The following ZNF765 variants were observed in gnomAD, a reference collection of about 807,000 sequenced individuals.
ZNF765 encodes zinc finger protein 765.
ZNF765 carries 37 observed loss-of-function variants against 44.7 expected under a neutral mutation model. The observed-to-expected ratio is 0.83, with a 90% confidence interval of 0.64 to 1.09. The LOEUF is 1.09. Ranked by LOEUF, ZNF765 falls within the 50% of genes least tolerant of loss-of-function variation. The pLI, the probability that ZNF765 is intolerant of heterozygous loss-of-function variation, is 0.00. For missense variants in ZNF765, 594 were observed against 626.1 expected (o/e 0.95, Z 0.55); for synonymous variants, 201 against 213.7 (o/e 0.94, Z 0.52).
At chr19:53,421,050 G>A (rs1331934105) in intron 3 of ZNF765, among the ~76,000 whole-genome samples, 2 of 152,168 alleles carry the variant, frequency 1.3e-5, no homozygotes, top group African/African-American at 4.8e-5. Context: ...ATGTCTCAGT[G>A]TAAAACCTGG....
chr19:53,417,144 T>C (rs548601204), intron 3 of ZNF765, among the ~76,000 whole-genome samples: 1 of 152,270 alleles, frequency 6.6e-6, no homozygotes, highest in South Asian at 2.1e-4. Context: ...TAAAAGACTT[T>C]TAAGTTCAGG....
chr19:53,413,476 C>T (rs1246624170), downstream of ZNF765: 5 of 397,630 alleles, frequency 1.3e-5, no homozygotes, highest in African/African-American at 2.1e-5. Context: ...TTTTTTCTCT[C>T]TGAATCTGTT....
downstream of ZNF765, among the ~76,000 whole-genome samples, chr19:53,414,721 G>A (rs1274622474): frequency 1.3e-5 from 2 of 148,962 alleles, no homozygotes; most frequent in Non-Finnish European, 3.0e-5. Flanking sequence ...TCTGTTATCA[G>A]TTGTCTGTCT....
intron 2 of ZNF765, among the ~76,000 whole-genome samples, chr19:53,398,480 ATT>A (rs1220492551): frequency 2.0e-5 from 3 of 152,188 alleles, no homozygotes; most frequent in Non-Finnish European, 4.4e-5. Flanking sequence ...TTTATACTAC[ATT>A]TTTAGGTAAT....
downstream of ZNF765, among the ~76,000 whole-genome samples, chr19:53,413,704 C>T (rs2085850728): frequency 6.7e-6 from 1 of 149,318 alleles, no homozygotes; most frequent in Non-Finnish European, 1.5e-5. Flanking sequence ...CCAGGAGTCT[C>T]CTGGGAATCT....
chr19:53,401,218 C>T (rs928702842), intron 2 of ZNF765, among the ~76,000 whole-genome samples: 4 of 152,126 alleles, frequency 2.6e-5, no homozygotes, highest in African/African-American at 9.7e-5. Context: ...TCTCTGAAGA[C>T]ATCATTCATA....
intron 3 of ZNF765, among the ~76,000 whole-genome samples, chr19:53,418,163 G>A (rs2085885999): frequency 6.6e-6 from 1 of 152,204 alleles, no homozygotes; most frequent in Admixed American, 6.5e-5. Flanking sequence ...AGCACTTTGG[G>A]AGGCCAAGGC....
At chr19:53,413,356 G>A (rs1041340855), downstream of ZNF765, 34 of 575,462 alleles carry the variant, frequency 5.9e-5, no homozygotes, top group South Asian at 9.7e-5. Context: ...GGAATTGCAC[G>A]TGAGATGGCA....
Position 53,409,629 on chromosome 19 carries a change from T to C in ZNF765, c.*502T>C. 6.9e-7 allele frequency: 1 copy of C among 1,449,820 alleles called. No homozygotes were observed. The highest frequency in any genetic ancestry group is 9.7e-7 in the Non-Finnish European group (1 of 1,034,202). 89.8% of individuals were successfully genotyped at this position (1,449,820 alleles called of 1,614,324 possible). A position where few individuals can be genotyped will look rare whatever the true frequency, so the allele number is the denominator to read the frequency against. On this transcript the variant is annotated 3_prime_UTR_variant, in exon 4 of 4. Coordinates refer to ENST00000396408, the MANE Select transcript of ZNF765 (RefSeq NM_001040185.3). Reference sequence around the variant, plus strand: ...AGAGAAACCATACAAGTGTAATGAGTGTGGCAAGACCTTTAGTCAGAACTC... The same window carrying C: ...AGAGAAACCATACAAGTGTAATGAGCGTGGCAAGACCTTTAGTCAGAACTC...
intron 2 of ZNF765, among the ~76,000 whole-genome samples, chr19:53,399,626 A>G (rs1182890275): frequency 6.6e-6 from 1 of 151,558 alleles, no homozygotes; most frequent in African/African-American, 2.4e-5. Flanking sequence ...CATTGCAGTG[A>G]GCTGAGATTG....
At chr19:53,414,275 T>G (rs2085856598), downstream of ZNF765, among the ~76,000 whole-genome samples, 8 of 134,390 alleles carry the variant, frequency 6.0e-5, 1 homozygote, top group Admixed American at 1.5e-4. Flanking sequence ...GCAAACATGG[T>G]ATGATATAAA....
intron 2 of ZNF765, among the ~76,000 whole-genome samples, chr19:53,399,686 A>G (rs2085704344): frequency 6.6e-6 from 1 of 152,030 alleles, no homozygotes; most frequent in Non-Finnish European, 1.5e-5. Flanking sequence ...TCTCAAAAAA[A>G]AAAAAAAATT....
intron 2 of ZNF765, among the ~76,000 whole-genome samples, chr19:53,400,617 A>G (rs1213102407): frequency 6.6e-6 from 1 of 152,030 alleles, no homozygotes; most frequent in Non-Finnish European, 1.5e-5. Flanking sequence ...ATATACACAT[A>G]CACATATACA....
At position 53,410,018 on chromosome 19, in the gene ZNF765, A is replaced by G; in HGVS notation, c.*891A>G. The G allele has an allele frequency of 2.0e-6, 1 of 505,792 alleles. No individual in the cohort carries two copies. Among genetic ancestry groups the G allele is most frequent in the East Asian group, 5.6e-5 (1 of 17,866 alleles). 31.3% of individuals were successfully genotyped at this position (505,792 alleles called of 1,614,324 possible). On this transcript the variant is annotated 3_prime_UTR_variant, in exon 4 of 4. Coordinates refer to ENST00000396408, the MANE Select transcript of ZNF765 (RefSeq NM_001040185.3). The stretch of plus-strand genomic sequence containing the variant: ...ATCCTACAAGTGTGATAAATGCAGA[A>G]TAAATGCAGAAAATTTTTCAGACAT...
downstream of ZNF765, among the ~76,000 whole-genome samples, chr19:53,412,881 A>G (rs2085844076): frequency 6.6e-6 from 1 of 152,146 alleles, no homozygotes; most frequent in African/African-American, 2.4e-5. Flanking sequence ...ACTGACAGGT[A>G]ACAGCAGAAA....
chr19:53,408,941 A>G lies in ZNF765; in HGVS notation c.1386A>G (p.Glu462=), dbSNP rs779952600. 36 of 1,613,732 alleles carry G rather than the reference A, an allele frequency of 2.2e-5. No individual in the cohort carries two copies. The highest frequency in any genetic ancestry group is 2.8e-5 in the Non-Finnish European group (33 of 1,179,892). The change falls in exon 4 of 4, where the codon GAA becomes GAG. Residue 462 remains glutamate (E), a synonymous_variant. Coordinates refer to ENST00000396408, the MANE Select transcript of ZNF765 (RefSeq NM_001040185.3). Reference sequence around the variant, plus strand: ...AAATACATCAGAAAATTCATACTGAAGAGAATCCTTACAAGTGTAATGAGT... The same window carrying G: ...AAATACATCAGAAAATTCATACTGAGGAGAATCCTTACAAGTGTAATGAGT... ...NLEIHQKIHT[E]ENPYKCNECG...
At chr19:53,421,474 G>A (rs1012289671) in intron 3 of ZNF765, among the ~76,000 whole-genome samples, 1 of 152,048 alleles carries the variant, frequency 6.6e-6, no homozygotes, top group Non-Finnish European at 1.5e-5. Context: ...GTGTAGAGGG[G>A]CTGGCCCCCT....
intron 3 of ZNF765, 96 bp downstream of exon 3, chr19:53,402,287 C>G: frequency 8.7e-6 from 13 of 1,493,764 alleles, no homozygotes; most frequent in Admixed American, 2.3e-5. Context: ...GATGGAGTCT[C>G]GCTCTGTCGC....
chr19:53,420,319 A>C (rs2085899773), intron 3 of ZNF765, among the ~76,000 whole-genome samples: 2 of 152,212 alleles, frequency 1.3e-5, no homozygotes, highest in Non-Finnish European at 1.5e-5. Context: ...TGACAGAGCA[A>C]GTATCCATCT....
Sources: allele counts gnomAD v4.1 joint callset (sites outside exome capture counted in the v4.1 genomes callset), GRCh38; gene constraint gnomAD v4.1.1; transcripts MANE v1.5; gene names NCBI Gene and HGNC (gene_info 2026-07-23, HGNC 2026-07-21).